Variants in SHTN1 observed in about 807,000 individuals in gnomAD.
SHTN1 encodes shootin 1.
SHTN1 carries 42 observed loss-of-function variants against 83.1 expected under a neutral mutation model. The observed-to-expected ratio is 0.51, with a 90% CI of 0.39 to 0.65. The LOEUF (loss-of-function observed/expected upper bound fraction) is 0.65, where lower values mean the gene tolerates loss of function less well. Ranked by LOEUF, SHTN1 falls within the 30% of genes least tolerant of loss-of-function variation. The pLI is 0.00. For synonymous variants in SHTN1, 224 were observed against 247.7 expected (o/e 0.90, Z 0.90); for missense variants, 622 against 737.8 (o/e 0.84, Z 1.82).
At chr10:116,924,592 T>G (rs1179277788) in intron 11 of SHTN1, among the ~76,000 whole-genome samples, 4 of 152,070 alleles carry the variant, frequency 2.6e-5, no homozygotes, top group African/African-American at 9.7e-5. Flanking sequence ...AAGGCAGGAC[T>G]CACAGGCCAG....
At chr10:117,018,405 C>G (rs1329232430) in intron 2 of SHTN1, among the ~76,000 whole-genome samples, 2 of 144,640 alleles carry the variant, frequency 1.4e-5, no homozygotes, top group Non-Finnish European at 3.0e-5. Flanking sequence ...AGAAAAAAAG[C>G]ATTTGAAAAT....
rs1156873069 is a variant in SHTN1 at position 116,882,512 on chromosome 10, CATATAG to C, written c.*3826_*3831del. ...AGAAATAAATATATTCAGACACAAA[CATATAG>C]ATATAATAATATCCAACCACTTTAT... On this transcript the variant is annotated 3_prime_UTR_variant, in exon 17 of 17. Transcript: ENST00000355371. 6.6e-5 allele frequency: 10 copies of C among 151,466 alleles called. No homozygotes were observed. The highest frequency in any genetic ancestry group is 2.4e-4 in the African/African-American group (10 of 41,166). The allele number at this position is 151,466 out of a possible 1,614,324, so 9.4% of individuals were successfully genotyped here.
intron 6 of SHTN1, among the ~76,000 whole-genome samples, chr10:116,951,069 T>C (rs1294540824): frequency 6.6e-6 from 1 of 152,118 alleles, no homozygotes; most frequent in Non-Finnish European, 1.5e-5. Context: ...TGAAGGCAAA[T>C]CCTTGAAGCC....
At chr10:116,896,235 A>ATATT (rs1355562724) in intron 16 of SHTN1, among the ~76,000 whole-genome samples, 1 of 152,232 alleles carries the variant, frequency 6.6e-6, no homozygotes, top group African/African-American at 2.4e-5. Context: ...TGTTGATAAT[A>ATATT]GAGTTAACAT....
chr10:116,963,577 T>C (rs1485739389), intron 3 of SHTN1, among the ~76,000 whole-genome samples: 1 of 152,162 alleles, frequency 6.6e-6, no homozygotes, highest in African/African-American at 2.4e-5. Context: ...AAGAAAAGAC[T>C]ACTAATCTTT....
At chr10:117,020,513 A>C (rs1332862203) in intron 2 of SHTN1, among the ~76,000 whole-genome samples, 7 of 151,412 alleles carry the variant, frequency 4.6e-5, no homozygotes, top group Middle Eastern at 3.4e-3. Flanking sequence ...AAAAAAAAAA[A>C]ACCCACACTT....
chr10:117,078,526 A>T (rs1197268445), intron 1 of SHTN1, among the ~76,000 whole-genome samples: 31 of 152,198 alleles, frequency 2.0e-4, no homozygotes, highest in Admixed American at 2.0e-3. Context: ...TTTGGGAATA[A>T]GCGTACCATG....
intron 1 of SHTN1, among the ~76,000 whole-genome samples, chr10:117,073,237 T>C (rs898703456): frequency 6.6e-5 from 10 of 152,072 alleles, no homozygotes; most frequent in South Asian, 4.1e-4. Flanking sequence ...CTAAGAATAA[T>C]TGGTGTTCCT....
At chr10:117,111,898 G>C (rs541665772) in intron 1 of SHTN1, among the ~76,000 whole-genome samples, 1 of 152,144 alleles carries the variant, frequency 6.6e-6, no homozygotes, top group African/African-American at 2.4e-5. Flanking sequence ...ATGACCCTCT[G>C]TAGTTGGGAA....
intron 16 of SHTN1, among the ~76,000 whole-genome samples, chr10:116,888,700 C>A (rs994832346): frequency 7.2e-5 from 11 of 152,222 alleles, no homozygotes; most frequent in African/African-American, 2.7e-4. Flanking sequence ...GTGGGCCAGT[C>A]ACTGCCACAT....
intron 1 of SHTN1, among the ~76,000 whole-genome samples, chr10:117,060,340 T>A (rs1280390411): frequency 6.6e-6 from 1 of 152,230 alleles, no homozygotes; most frequent in Non-Finnish European, 1.5e-5. Flanking sequence ...AAATATTTTT[T>A]AAATATCTAC....
At chr10:117,005,516 C>A, upstream of SHTN1, 2 of 1,002,676 alleles carry the variant, frequency 2.0e-6, no homozygotes, top group Non-Finnish European at 2.4e-6. Flanking sequence ...TGTGGGAACT[C>A]CACTTTGGAC....
chr10:116,921,995 C>G (rs1848585658), intron 11 of SHTN1, among the ~76,000 whole-genome samples: 1 of 152,010 alleles, frequency 6.6e-6, no homozygotes, highest in Non-Finnish European at 1.5e-5. Flanking sequence ...TTACATCACT[C>G]TCTCTCTGGT....
intron 1 of SHTN1, among the ~76,000 whole-genome samples, chr10:117,104,996 C>T (rs1414073682): frequency 2.0e-5 from 3 of 151,914 alleles, no homozygotes; most frequent in East Asian, 3.9e-4. Context: ...ATCACCACCA[C>T]ACACCACTGC....
chr10:117,003,010 G>C (rs1420269946), intron 1 of SHTN1, among the ~76,000 whole-genome samples: 1 of 152,154 alleles, frequency 6.6e-6, no homozygotes, highest in Non-Finnish European at 1.5e-5. Context: ...CATAGGAATG[G>C]AGAATGTGTT....
At chr10:117,039,140 A>G (rs1318892411) in intron 2 of SHTN1, among the ~76,000 whole-genome samples, 6 of 152,248 alleles carry the variant, frequency 3.9e-5, no homozygotes, top group Non-Finnish European at 8.8e-5. Flanking sequence ...ACATCCAGAC[A>G]ATGGAATATT....
chr10:117,124,195 G>A (rs1318465610), intron 1 of SHTN1, among the ~76,000 whole-genome samples: 1 of 146,384 alleles, frequency 6.8e-6, no homozygotes, highest in Non-Finnish European at 1.5e-5. Context: ...CTGGGTGACA[G>A]AGCAAGATTA....
chr10:117,005,374 C>A, upstream of SHTN1: 2 of 1,189,510 alleles, frequency 1.7e-6, no homozygotes, highest in Non-Finnish European at 2.1e-6. Context: ...CTGTGGCTGC[C>A]GGCGCGGCAG....
chr10:116,953,819 G>A (rs970801860), intron 5 of SHTN1, among the ~76,000 whole-genome samples: 1 of 151,606 alleles, frequency 6.6e-6, no homozygotes, highest in Non-Finnish European at 1.5e-5. Context: ...AGTAGAGACC[G>A]GGTTTCACCA....
Sources: gnomAD v4.1 joint callset for allele counts (sites outside exome capture counted in the v4.1 genomes callset) on GRCh38, gnomAD v4.1.1 for gene constraint, MANE v1.5 for transcripts, NCBI Gene and HGNC (gene_info 2026-07-23, HGNC 2026-07-21) for gene names.